The following STARD10 variants were observed in gnomAD, a reference collection of about 807,000 sequenced individuals.
The protein encoded by STARD10 is START domain-containing protein 10.
STARD10 carries 24 observed loss-of-function variants against 36.0 expected under a neutral mutation model. That is an observed-to-expected ratio of 0.67 (90% CI 0.48 to 0.94). STARD10 has a LOEUF of 0.94. STARD10 is among the 40% of genes least tolerant of loss of function. The pLI, the probability that STARD10 is intolerant of heterozygous loss-of-function variation, is 0.00. For missense variants in STARD10, 335 were observed against 396.6 expected (o/e 0.84, Z 1.32); for synonymous variants, 156 against 161.9 (o/e 0.96, Z 0.28).
In STARD10 at chr11:72,759,227, T is replaced by G. The variant is rs752759121; in HGVS notation, c.355+7A>C. 8 of 1,613,946 alleles carry G rather than the reference T, an allele frequency of 5.0e-6. 1 individual carries two copies. In the South Asian group the frequency reaches 8.8e-5, roughly 18 times the overall value. ...GGGACTGGGATCAGCGTGCTACGCC[T>G]GCTCACAGGAGTAATAGCCCACGTC... On this transcript the variant is annotated splice_region_variant and intron_variant, in intron 3 of 6. Transcript: ENST00000334805.
In STARD10 at chr11:72,757,934, G is replaced by T. The variant is rs370002161; in HGVS notation, c.460-50C>A. ...TGAGACTCGGGGTGGGGGCAAAGAA[G>T]ATGTTTTTGTGAGTATACACAAACG... On this transcript the variant is annotated intron_variant, in intron 4 of 6. Transcript: ENST00000334805. 201 of 1,555,192 alleles carry T rather than the reference G, an allele frequency of 1.3e-4. No homozygotes were observed. In the South Asian group the frequency reaches 1.7e-3, roughly 13 times the overall value.
intron 2 of STARD10, among the ~76,000 whole-genome samples, chr11:72,768,093 G>A (rs1338315648): frequency 6.6e-6 from 1 of 152,088 alleles, no homozygotes; most frequent in East Asian, 1.9e-4. Flanking sequence ...CAGCGAGGGG[G>A]TGGGCAGCTC....
At chr11:72,780,548 G>A (rs1471939445) in intron 2 of STARD10, 2 of 355,040 alleles carry the variant, frequency 5.6e-6, no homozygotes, top group South Asian at 4.2e-5. Context: ...TGCAGAAAGC[G>A]GGGAAGGAGA....
chr11:72,786,356 T>C (rs1354046956), intron 1 of STARD10, among the ~76,000 whole-genome samples: 1 of 143,242 alleles, frequency 7.0e-6, no homozygotes, highest in Non-Finnish European at 1.5e-5. Flanking sequence ...TGTCTCCAGT[T>C]AAAAAAAAAA....
chr11:72,755,899 TTA>T, intron 5 of STARD10, 146 bp from the exon 6 acceptor site: 1 of 666,170 alleles, frequency 1.5e-6, no homozygotes, highest in Non-Finnish European at 2.5e-6. Context: ...CTACAAGCCT[TTA>T]CCCTCACTCC....
intron 2 of STARD10, among the ~76,000 whole-genome samples, chr11:72,778,416 G>T (rs966612087): frequency 2.0e-5 from 3 of 152,220 alleles, no homozygotes; most frequent in Non-Finnish European, 4.4e-5. Context: ...TCAGAAATGG[G>T]ATTATCTGCA....
intron 2 of STARD10, among the ~76,000 whole-genome samples, chr11:72,763,345 A>T (rs1442501046): frequency 6.6e-6 from 1 of 152,240 alleles, no homozygotes; most frequent in East Asian, 1.9e-4. Flanking sequence ...TTCCCATCAA[A>T]ATACTTATTA....
intron 2 of STARD10, 25 bp downstream of exon 2, chr11:72,780,950 C>A: frequency 6.2e-7 from 1 of 1,612,008 alleles, no homozygotes; most frequent in South Asian, 1.1e-5. Flanking sequence ...GCAGTGGAGG[C>A]TGCAGGTATA....
intron 2 of STARD10, among the ~76,000 whole-genome samples, chr11:72,767,595 C>G (rs960981519): frequency 6.6e-6 from 1 of 152,190 alleles, no homozygotes; most frequent in African/African-American, 2.4e-5. Flanking sequence ...GGTTATAATG[C>G]AGCACTTTGC....
intron 6 of STARD10, 53 bp from the exon 7 acceptor site, chr11:72,755,195 T>C: frequency 3.2e-6 from 5 of 1,547,372 alleles, no homozygotes; most frequent in Non-Finnish European, 4.4e-6. Flanking sequence ...GCAGGTCTTC[T>C]CCACACCCCC....
chr11:72,763,312 G>A (rs1035501742), intron 2 of STARD10, among the ~76,000 whole-genome samples: 1 of 152,184 alleles, frequency 6.6e-6, no homozygotes, highest in Non-Finnish European at 1.5e-5. Context: ...AGGAATGGGG[G>A]ATTTACATAG....
In STARD10 at chr11:72,754,803, C is replaced by A; in HGVS notation, c.*94G>T. On this transcript the variant is annotated 3_prime_UTR_variant, in exon 7 of 7. Transcript: ENST00000334805. The stretch of plus-strand genomic sequence containing the variant: ...CCCGCCTGGGCCTGGCCCGGTGCCA[C>A]CAGGTGCCGGGTGGGGGAGGGGAGA... The A allele has an allele frequency of 6.6e-7, 1 of 1,515,446 alleles. No individual in the cohort carries two copies. Among genetic ancestry groups the A allele is most frequent in the East Asian group, 2.4e-5 (1 of 40,956 alleles). 93.9% of individuals were successfully genotyped at this position (1,515,446 alleles called of 1,614,324 possible). A position where few individuals can be genotyped will look rare whatever the true frequency, so the allele number is the denominator to read the frequency against.
At position 72,754,868 on chromosome 11, in the gene STARD10, C is replaced by A; in HGVS notation, c.*29G>T. On this transcript the variant is annotated 3_prime_UTR_variant, in exon 7 of 7. Coordinates refer to ENST00000334805, the MANE Select transcript of STARD10 (RefSeq NM_006645.3). ...CCGCCGCCCCAGGGCTCGCCCGGTC[C>A]TGTCTCCGTCCCTGAAGCGGTGCGG... 1 of 1,587,452 alleles carries A rather than the reference C, an allele frequency of 6.3e-7. No individual in the cohort carries two copies. The highest frequency in any genetic ancestry group is 1.1e-5 in the South Asian group (1 of 89,938).
intron 2 of STARD10, among the ~76,000 whole-genome samples, chr11:72,773,324 C>T (rs1049270949): frequency 2.6e-5 from 4 of 152,198 alleles, no homozygotes; most frequent in African/African-American, 9.6e-5. Context: ...CTCTGGCATG[C>T]TTGGACTGGC....
rs567830419 is a variant in STARD10 at position 72,757,710 on chromosome 11, C to T, written c.577+57G>A. The T allele has an allele frequency of 3.9e-6, 6 of 1,520,050 alleles. No homozygotes were observed. The African/African-American group carries it at 6.8e-5, about 17-fold the overall frequency. 94.2% of individuals were successfully genotyped at this position (1,520,050 alleles called of 1,614,324 possible). ...TTCTGGATCCCTAGTAGATCAGGCC[C>T]CACCCCTGTGGTATAGGGAAGGATC... is the stretch of plus-strand genomic sequence containing the variant. On this transcript the variant is annotated intron_variant, in intron 5 of 6. Transcript: ENST00000334805.
rs1859014624 is a variant in STARD10, at chr11:72,782,286, C to T, written c.-113-992G>A. On this transcript the variant is annotated intron_variant, in intron 1 of 6. Coordinates refer to ENST00000334805, the MANE Select transcript of STARD10 (RefSeq NM_006645.3). ...CTAACTCGCAGGGATGACAGCCCCA[C>T]AGCAGCTCAGAGATGCCCACAGCTT... 2.6e-5 allele frequency: 4 copies of T among 152,642 alleles called. No individual in the cohort carries two copies. The South Asian group carries it at 8.3e-4, about 32-fold the overall frequency. The allele number at this position is 152,642 out of a possible 1,614,324, so 9.5% of individuals were successfully genotyped here.
intron 2 of STARD10, among the ~76,000 whole-genome samples, chr11:72,765,788 T>C (rs1466016286): frequency 6.9e-6 from 1 of 144,652 alleles, no homozygotes; most frequent in Non-Finnish European, 1.5e-5. Flanking sequence ...CTGACCAACA[T>C]GGTGAAAACC....
chr11:72,775,706 G>C (rs759313909), intron 2 of STARD10, among the ~76,000 whole-genome samples: 6 of 152,128 alleles, frequency 3.9e-5, no homozygotes. Flanking sequence ...GGCTCCTTGA[G>C]GGCAGGGCTT....
intron 2 of STARD10, among the ~76,000 whole-genome samples, chr11:72,769,923 A>G (rs1247768328): frequency 6.6e-6 from 1 of 152,182 alleles, no homozygotes; most frequent in East Asian, 1.9e-4. Flanking sequence ...TTCAGAACCC[A>G]GACAGGCCTA....
Sources: gnomAD v4.1 joint callset for allele counts (sites outside exome capture counted in the v4.1 genomes callset) on GRCh38, gnomAD v4.1.1 for gene constraint, MANE v1.5 for transcripts, NCBI Gene and HGNC (gene_info 2026-07-23, HGNC 2026-07-21) for gene names.